Variants in RIC3 observed in about 807,000 individuals in gnomAD.
The protein encoded by RIC3 is protein RIC-3.
In RIC3, 28 loss-of-function variants were observed where a neutral mutation model predicts 27.3. The observed-to-expected ratio is 1.02, with a 90% CI of 0.76 to 1.41. The LOEUF (loss-of-function observed/expected upper bound fraction) is 1.41. RIC3 is among the 40% of genes most tolerant of loss of function. The probability of loss-of-function intolerance (pLI) is 0.00; values close to 1 mark genes in which losing one functional copy is unlikely to be tolerated. For synonymous variants in RIC3, 184 were observed against 160.4 expected (o/e 1.15, Z -1.11); for missense variants, 501 against 444.7 (o/e 1.13, Z -1.14).
chr11:8,130,410 G>A (rs1022708678), intron 4 of RIC3, among the ~76,000 whole-genome samples: 2 of 152,108 alleles, frequency 1.3e-5, no homozygotes, highest in South Asian at 2.1e-4. Flanking sequence ...AAGCTGCTCT[G>A]GTTACCACCC....
rs1463334662 is a variant in RIC3, at chr11:8,126,654, T to C, written c.670+5A>G. On this transcript the variant is annotated splice_donor_5th_base_variant and intron_variant, in intron 5 of 5. Coordinates refer to ENST00000309737, the MANE Select transcript of RIC3 (RefSeq NM_001206671.4). ...CTAACAAAAAAATGAGAAGACACTG[T>C]TTACCTTCCCAGTCCTCCATGTAAG... 1.9e-6 allele frequency: 3 copies of C among 1,613,774 alleles called. No individual in the cohort carries two copies. In the African/African-American group the frequency reaches 4.0e-5, roughly 22 times the overall value.
chr11:8,106,736 G>A lies in RIC3; in HGVS notation c.*3962C>T, dbSNP rs150710763. 101 of 152,480 alleles carry A rather than the reference G, an allele frequency of 6.6e-4. No individual in the cohort carries two copies. Among genetic ancestry groups the A allele is most frequent in the African/African-American group, 2.1e-3 (89 of 41,572 alleles). The allele number at this position is 152,480 out of a possible 1,614,324, so 9.4% of individuals were successfully genotyped here. A position where few individuals can be genotyped will look rare whatever the true frequency, so the allele number is the denominator to read the frequency against. ...TGGCAGATTTGAAGGCAAAAGGAAGGGAGGCTACAGTTGTAGCTAGAAGCA... is the reference window on the plus strand; with the variant it reads ...TGGCAGATTTGAAGGCAAAAGGAAGAGAGGCTACAGTTGTAGCTAGAAGCA... On this transcript the variant is annotated 3_prime_UTR_variant, in exon 6 of 6. Transcript: ENST00000309737.
At chr11:8,116,237 G>T (rs1945854137) in intron 5 of RIC3, among the ~76,000 whole-genome samples, 1 of 152,130 alleles carries the variant, frequency 6.6e-6, no homozygotes, top group Non-Finnish European at 1.5e-5. Context: ...GCAAAACAGT[G>T]AAATTAGACC....
intron 1 of RIC3, 61 bp downstream of exon 1, chr11:8,168,805 A>C: frequency 6.4e-7 from 1 of 1,561,826 alleles, no homozygotes; most frequent in Non-Finnish European, 8.7e-7. Context: ...CCCCTCCCTC[A>C]AGCAGCGTTC....
chr11:8,154,399 C>T (rs529881564), intron 1 of RIC3, among the ~76,000 whole-genome samples: 4 of 152,146 alleles, frequency 2.6e-5, no homozygotes, highest in Non-Finnish European at 5.9e-5. Flanking sequence ...GCAGTGGTGA[C>T]GGTTGCACAA....
chr11:8,119,716 G>C lies in RIC3; in HGVS notation c.670+6943C>G, dbSNP rs552391182. On this transcript the variant is annotated intron_variant, in intron 5 of 5. Transcript: ENST00000309737. ...AAATAGGATCTAATTAAACTAAAGA[G>C]CTTCTGCACAGCAAAAGAAACTACC... 6.6e-5 allele frequency among the ~76,000 whole-genome samples: 10 copies of C among 152,254 alleles called. No individual in the cohort carries two copies. In the South Asian group the frequency reaches 2.1e-3, roughly 32 times the overall value.
At chr11:8,097,610 C>G in the RIC3 span, 2 of 1,294,790 alleles carry the variant, frequency 1.5e-6, no homozygotes, top group Non-Finnish European at 2.2e-6. Flanking sequence ...CACATATGTG[C>G]GTTTGGGAGC....
At chr11:8,137,529 G>A in intron 3 of RIC3, 58 bp from the exon 4 acceptor site, 1 of 1,400,528 alleles carries the variant, frequency 7.1e-7, no homozygotes, top group South Asian at 1.2e-5. Context: ...ACCTGTTAAA[G>A]AGACCACAAA....
intron 4 of RIC3, among the ~76,000 whole-genome samples, chr11:8,132,361 G>A (rs535231212): frequency 2.6e-5 from 4 of 152,192 alleles, no homozygotes; most frequent in South Asian, 4.1e-4. Context: ...ACAGCAAATC[G>A]TTACATTCCT....
chr11:8,126,317 C>G (rs887146484), intron 5 of RIC3, among the ~76,000 whole-genome samples: 4 of 152,022 alleles, frequency 2.6e-5, no homozygotes, highest in African/African-American at 9.7e-5. Flanking sequence ...AAAAGTATTA[C>G]GCTAAATCAA....
At chr11:8,093,447 G>A in the RIC3 span, among the ~76,000 whole-genome samples, 1 of 152,200 alleles carries the variant, frequency 6.6e-6, no homozygotes, top group African/African-American at 2.4e-5. Context: ...AACCATTCAA[G>A]GATTTTGAGC....
intron 5 of RIC3, among the ~76,000 whole-genome samples, chr11:8,122,455 G>GTATATATATA: frequency 6.6e-6 from 1 of 151,824 alleles, no homozygotes; most frequent in Admixed American, 6.7e-5. Flanking sequence ...ACCACAGTGT[G>GTATATATATA]TATATATATA....
chr11:8,117,285 G>C (rs1168681131), intron 5 of RIC3, among the ~76,000 whole-genome samples: 1 of 152,154 alleles, frequency 6.6e-6, no homozygotes, highest in African/African-American at 2.4e-5. Flanking sequence ...GGCTGGTCTT[G>C]AACTCCTAGG....
intron 4 of RIC3, among the ~76,000 whole-genome samples, chr11:8,132,660 ACTTAAG>A (rs1947875107): frequency 6.6e-6 from 1 of 152,224 alleles, no homozygotes. Flanking sequence ...TTCTGTTCTT[ACTTAAG>A]CATTAAGGTA....
At chr11:8,128,864 C>A (rs575543530) in intron 4 of RIC3, among the ~76,000 whole-genome samples, 2 of 150,486 alleles carry the variant, frequency 1.3e-5, no homozygotes, top group Non-Finnish European at 2.9e-5. Flanking sequence ...ACGCCATTCT[C>A]CTGCCTCAGC....
intron 1 of RIC3, among the ~76,000 whole-genome samples, chr11:8,151,785 G>A (rs1219780413): frequency 2.0e-5 from 3 of 151,390 alleles, no homozygotes; most frequent in East Asian, 3.9e-4. Context: ...GCGTGGTGGT[G>A]CATGCCTGTA....
chr11:8,095,771 C>A, the RIC3 span: 8 of 1,252,954 alleles, frequency 6.4e-6, no homozygotes, highest in Non-Finnish European at 8.8e-6. Context: ...CCCTCCCTGG[C>A]AATGGTGGGT....
intron 4 of RIC3, among the ~76,000 whole-genome samples, chr11:8,131,275 G>T (rs547822436): frequency 3.9e-5 from 6 of 152,244 alleles, no homozygotes; most frequent in African/African-American, 1.4e-4. Context: ...TAATTAAAAA[G>T]AAATGACAAG....
chr11:8,130,116 T>A (rs1319174619), intron 4 of RIC3, among the ~76,000 whole-genome samples: 2 of 152,218 alleles, frequency 1.3e-5, no homozygotes, highest in East Asian at 3.8e-4. Flanking sequence ...AGTTTTCTTT[T>A]GGGGAACCAA....
Sources: allele counts gnomAD v4.1 joint callset (sites outside exome capture counted in the v4.1 genomes callset), GRCh38; gene constraint gnomAD v4.1.1; transcripts MANE v1.5; gene names NCBI Gene and HGNC (gene_info 2026-07-23, HGNC 2026-07-21).